The following DAB1 variants were observed in gnomAD, a reference collection of about 807,000 sequenced individuals.
The protein encoded by DAB1 is disabled homolog 1.
DAB1 carries 15 observed loss-of-function variants against 64.6 expected under a neutral mutation model. The observed-to-expected ratio is 0.23, with a 90% CI of 0.16 to 0.36. The LOEUF is 0.36. Among genes scored for constraint, DAB1 ranks in the 10% least tolerant of loss-of-function variants. DAB1 has a pLI of 1.00. For synonymous variants in DAB1, 235 were observed against 251.9 expected (o/e 0.93, Z 0.64); for missense variants, 596 against 706.7 (o/e 0.84, Z 1.78).
chr1:57,338,184 C>T (rs976224286), intron 1 of DAB1, among the ~76,000 whole-genome samples: 4 of 151,994 alleles, frequency 2.6e-5, no homozygotes, highest in African/African-American at 4.8e-5. Context: ...GAGGTTTTGC[C>T]GTGTTGCCCA....
chr1:57,317,412 A>G (rs1675305243), intron 1 of DAB1, among the ~76,000 whole-genome samples: 1 of 152,222 alleles, frequency 6.6e-6, no homozygotes, highest in South Asian at 2.1e-4. Flanking sequence ...GTAATTTGTT[A>G]TGCAGCAGTA....
rs78414019 is a variant in DAB1, at chr1:57,133,540, C to T, written c.306+3003G>A. Among the ~76,000 whole-genome samples, 306 of 152,270 alleles carry T rather than the reference C, an allele frequency of 2.0e-3. 1 individual carries two copies. Among genetic ancestry groups the T allele is most frequent in the African/African-American group, 7.0e-3 (292 of 41,560 alleles). On this transcript the variant is annotated intron_variant, in intron 4 of 14. Coordinates refer to ENST00000371236, the MANE Select transcript of DAB1 (RefSeq NM_001365792.1). ...TCTAGGTATCTAAATGTATGAACAG[C>T]TTTCACTATTGATTTATTCCCTGCA...
intron 1 of DAB1, among the ~76,000 whole-genome samples, chr1:57,365,570 A>T (rs1679929512): frequency 6.6e-6 from 1 of 151,892 alleles, no homozygotes; most frequent in Admixed American, 6.6e-5. Flanking sequence ...TAAACCCCAT[A>T]ACAGTTTGAA....
intron 5 of DAB1, among the ~76,000 whole-genome samples, chr1:58,070,307 C>A (rs867861664): frequency 1.3e-5 from 2 of 152,166 alleles, no homozygotes; most frequent in Admixed American, 6.5e-5. Context: ...GGGAATTGGG[C>A]AGTTGTGGAG....
chr1:58,204,812 C>T (rs555586355), intron 4 of DAB1, among the ~76,000 whole-genome samples: 2 of 152,276 alleles, frequency 1.3e-5, no homozygotes, highest in South Asian at 4.2e-4. Flanking sequence ...ATGGCATCTG[C>T]TACACCTGTC....
chr1:57,881,204 A>G (rs372811952), intron 1 of DAB1, among the ~76,000 whole-genome samples: 7 of 152,330 alleles, frequency 4.6e-5, no homozygotes, highest in African/African-American at 1.7e-4. Flanking sequence ...CAAAAGCCCC[A>G]AGTGAGTCTC....
intron 2 of DAB1, among the ~76,000 whole-genome samples, chr1:57,211,090 G>A (rs961111782): frequency 3.9e-5 from 6 of 152,226 alleles, no homozygotes; most frequent in East Asian, 1.9e-4. Flanking sequence ...GCATCAGGCT[G>A]AGACTGTCAC....
At chr1:57,373,532 T>G (rs755304385) in intron 1 of DAB1, among the ~76,000 whole-genome samples, 1 of 152,146 alleles carries the variant, frequency 6.6e-6, no homozygotes, top group Non-Finnish European at 1.5e-5. Context: ...AAGAGAATCA[T>G]GCATTGCAGT....
intron 4 of DAB1, among the ~76,000 whole-genome samples, chr1:57,078,681 G>A (rs999775870): frequency 3.9e-5 from 6 of 152,132 alleles, no homozygotes; most frequent in Admixed American, 2.6e-4. Flanking sequence ...ACAGTGCAAG[G>A]CACATTTATA....
intron 1 of DAB1, among the ~76,000 whole-genome samples, chr1:57,845,256 C>T (rs1363075869): frequency 6.6e-6 from 1 of 152,126 alleles, no homozygotes; most frequent in African/African-American, 2.4e-5. Flanking sequence ...CATTCACAAT[C>T]TGATGATTAA....
At chr1:57,896,409 G>GA (rs917502048) in intron 5 of DAB1, among the ~76,000 whole-genome samples, 1,639 of 142,052 alleles carry the variant, frequency 0.012, 22 homozygotes, top group African/African-American at 0.038. Context: ...CAAACAATTA[G>GA]AAAAAAAAAA....
At chr1:57,290,911 C>A in intron 2 of DAB1, 53 bp downstream of exon 2, 2 of 1,143,908 alleles carry the variant, frequency 1.7e-6, no homozygotes, top group Non-Finnish European at 2.6e-6. Flanking sequence ...GATCTAAAAA[C>A]TCATTCCTGT....
chr1:57,029,336 G>T (rs1646893623), intron 9 of DAB1, among the ~76,000 whole-genome samples: 1 of 152,202 alleles, frequency 6.6e-6, no homozygotes, highest in South Asian at 2.1e-4. Context: ...GAAATGCCTG[G>T]ATGCCCAGGC....
At chr1:58,081,511 T>C (rs1050716953) in intron 5 of DAB1, among the ~76,000 whole-genome samples, 9 of 152,362 alleles carry the variant, frequency 5.9e-5, no homozygotes, top group African/African-American at 1.9e-4. Context: ...GATGGCCTCA[T>C]GCCTGCACTT....
At chr1:57,800,122 C>T (rs1376520755) in intron 6 of DAB1, among the ~76,000 whole-genome samples, 2 of 152,128 alleles carry the variant, frequency 1.3e-5, no homozygotes, top group Non-Finnish European at 2.9e-5. Flanking sequence ...ATCTAAGCAA[C>T]TTGGCCAAGG....
At chr1:57,404,371 ATC>A (rs1683472360) in intron 1 of DAB1, among the ~76,000 whole-genome samples, 1 of 152,238 alleles carries the variant, frequency 6.6e-6, no homozygotes, top group African/African-American at 2.4e-5. Context: ...TTAATGCAAT[ATC>A]TGTTTTATTA....
At chr1:57,414,805 G>C (rs1327488477) in intron 1 of DAB1, among the ~76,000 whole-genome samples, 1 of 152,090 alleles carries the variant, frequency 6.6e-6, no homozygotes, top group East Asian at 1.9e-4. Context: ...TCTAAAAAGA[G>C]TGCATGCCCT....
chr1:57,070,437 G>A (rs1651345020), intron 7 of DAB1, among the ~76,000 whole-genome samples: 1 of 152,142 alleles, frequency 6.6e-6, no homozygotes, highest in Non-Finnish European at 1.5e-5. Flanking sequence ...ACCCACCACT[G>A]AGCTGCAGAT....
At chr1:58,167,757 G>A (rs189194838) in intron 4 of DAB1, among the ~76,000 whole-genome samples, 37 of 152,238 alleles carry the variant, frequency 2.4e-4, no homozygotes, top group African/African-American at 7.0e-4. Flanking sequence ...AAACAACTCC[G>A]GACGCACCAC....
Sources: gnomAD v4.1 joint callset for allele counts (sites outside exome capture counted in the v4.1 genomes callset) on GRCh38, gnomAD v4.1.1 for gene constraint, MANE v1.5 for transcripts, NCBI Gene and HGNC (gene_info 2026-07-23, HGNC 2026-07-21) for gene names.